The following EEFSEC variants were observed in gnomAD, a reference collection of about 807,000 sequenced individuals.
EEFSEC encodes the protein selenocysteine-specific elongation factor.
EEFSEC carries 43 observed loss-of-function variants against 42.1 expected under a neutral mutation model. The observed-to-expected ratio is 1.02, with a 90% CI of 0.80 to 1.32. The LOEUF (loss-of-function observed/expected upper bound fraction) is 1.32. Among genes scored for constraint, EEFSEC ranks in the 40% most tolerant of loss-of-function variants. The pLI is 0.00. For missense variants in EEFSEC, 745 were observed against 803.6 expected (o/e 0.93, Z 0.88); for synonymous variants, 354 against 339.1 (o/e 1.04, Z -0.48).
intron 6 of EEFSEC, among the ~76,000 whole-genome samples, chr3:128,406,534 AT>A (rs1366893593): frequency 6.6e-6 from 1 of 152,242 alleles, no homozygotes; most frequent in Non-Finnish European, 1.5e-5. Context: ...CATCACCAAA[AT>A]AAGTATGTGA....
intron 1 of EEFSEC, among the ~76,000 whole-genome samples, chr3:128,232,577 G>T (rs142598122): frequency 1.6e-4 from 24 of 152,300 alleles, no homozygotes; most frequent in African/African-American, 5.8e-4. Flanking sequence ...GGGGGGAAGG[G>T]GACTGAGGCG....
intron 1 of EEFSEC, among the ~76,000 whole-genome samples, chr3:128,230,718 G>A (rs2065951925): frequency 6.6e-6 from 1 of 152,132 alleles, no homozygotes; most frequent in South Asian, 2.1e-4. Flanking sequence ...ATAGGTAAGG[G>A]CCTTTAGACA....
intron 4 of EEFSEC, among the ~76,000 whole-genome samples, chr3:128,282,113 A>G (rs2066532635): frequency 6.6e-6 from 1 of 152,220 alleles, no homozygotes; most frequent in African/African-American, 2.4e-5. Context: ...AGGAGGGGCT[A>G]CCTGGAGCAA....
At chr3:128,400,772 C>T (rs372837876) in intron 6 of EEFSEC, among the ~76,000 whole-genome samples, 14 of 152,360 alleles carry the variant, frequency 9.2e-5, no homozygotes, top group African/African-American at 3.4e-4. Flanking sequence ...CATGTCAGGG[C>T]GGCACCATGG....
chr3:128,180,811 T>C (rs1209927646), intron 1 of EEFSEC, among the ~76,000 whole-genome samples: 2 of 152,152 alleles, frequency 1.3e-5, no homozygotes, highest in Non-Finnish European at 2.9e-5. Context: ...GGGAACCTGG[T>C]GGTACAGCAG....
In EEFSEC at chr3:128,408,160, G is replaced by A; in HGVS notation, c.1692G>A (p.Glu564=). Residue 564 remains glutamate (E), a synonymous_variant, in exon 7 of 7, where the codon GAG becomes GAA. Coordinates refer to ENST00000254730, the MANE Select transcript of EEFSEC (RefSeq NM_021937.5). The part of the protein sequence containing the change: ...AGRGEATRQE[E]SAERSEPSQH... The stretch of plus-strand genomic sequence containing the variant: ...GTGGGGAGGCCACCAGGCAGGAGGA[G>A]AGCGCCGAGCGGAGCGAGCCCTCAC... 6.2e-7 allele frequency: 1 copy of A among 1,612,854 alleles called. No individual in the cohort carries two copies. Among genetic ancestry groups the A allele is most frequent in the African/African-American group, 1.3e-5 (1 of 75,010 alleles).
At chr3:128,359,138 G>T (rs534279587) in intron 6 of EEFSEC, among the ~76,000 whole-genome samples, 4 of 152,292 alleles carry the variant, frequency 2.6e-5, no homozygotes, top group Admixed American at 1.3e-4. Context: ...TTTGGATAGG[G>T]TGATCAGGGA....
chr3:128,336,292 A>G (rs2067188602), intron 4 of EEFSEC, among the ~76,000 whole-genome samples: 1 of 152,114 alleles, frequency 6.6e-6, no homozygotes, highest in Admixed American at 6.6e-5. Flanking sequence ...TGTCACCACC[A>G]AAATATGTCT....
chr3:128,320,922 G>A (rs2067001094), intron 4 of EEFSEC, among the ~76,000 whole-genome samples: 1 of 152,222 alleles, frequency 6.6e-6, no homozygotes, highest in Non-Finnish European at 1.5e-5. Flanking sequence ...CCCCAGTTTG[G>A]TCACCTGTAC....
intron 4 of EEFSEC, among the ~76,000 whole-genome samples, chr3:128,270,916 A>G (rs1275509981): frequency 6.6e-6 from 1 of 151,848 alleles, no homozygotes; most frequent in Non-Finnish European, 1.5e-5. Context: ...TCTCCTGTGG[A>G]CCCTGGTCTC....
Position 128,153,536 on chromosome 3 carries a change from TG to T in EEFSEC, c.32del (p.Gly11AlafsTer17). 6.6e-7 allele frequency: 1 copy of T among 1,519,804 alleles called. No individual in the cohort carries two copies. 94.1% of individuals were successfully genotyped at this position (1,519,804 alleles called of 1,614,324 possible). ...GCAGGGCGGCGGGTGAACGTGAACG[TG>T]GGCGTGCTGGGCCACATCGACAGCG... is the stretch of plus-strand genomic sequence containing the variant. MAGRRVNVNVGVLGHIDSGK... is the reference protein window; with the variant it reads MAGRRVNVNXGVLGHIDSGK... On this transcript the variant is annotated frameshift_variant, in exon 1 of 7. Transcript: ENST00000254730. LOFTEE classifies it high-confidence loss of function.
intron 2 of EEFSEC, among the ~76,000 whole-genome samples, chr3:128,258,704 G>A (rs2066267106): frequency 6.6e-6 from 1 of 152,056 alleles, no homozygotes; most frequent in Non-Finnish European, 1.5e-5. Context: ...CATAGTATTG[G>A]GTACTATAAT....
intron 1 of EEFSEC, among the ~76,000 whole-genome samples, chr3:128,226,407 G>C (rs568335908): frequency 1.3e-5 from 2 of 152,176 alleles, no homozygotes; most frequent in Non-Finnish European, 2.9e-5. Flanking sequence ...AGGGGCCAGC[G>C]GTTGGTGCCT....
chr3:128,179,558 T>C (rs1159528772), intron 1 of EEFSEC, among the ~76,000 whole-genome samples: 1 of 152,184 alleles, frequency 6.6e-6, no homozygotes, highest in Non-Finnish European at 1.5e-5. Flanking sequence ...ACAGATACCA[T>C]TTAGGAGAGA....
intron 1 of EEFSEC, among the ~76,000 whole-genome samples, chr3:128,198,316 A>G (rs1031208100): frequency 9.9e-5 from 15 of 152,226 alleles, no homozygotes; most frequent in African/African-American, 3.4e-4. Flanking sequence ...CTTAGGCTTA[A>G]TAAGTTTACA....
At chr3:128,394,314 G>A (rs13092114) in intron 6 of EEFSEC, among the ~76,000 whole-genome samples, 1,868 of 152,294 alleles carry the variant, frequency 0.012, 13 homozygotes, top group Middle Eastern at 0.051. Flanking sequence ...AGCCAGCACC[G>A]CCGCCTGCCC....
chr3:128,246,924 G>T lies in EEFSEC; in HGVS notation c.405G>T (p.Gln135His). The change falls in exon 2 of 7, where the codon CAG (glutamine) becomes CAT (histidine). Residue 135 changes from glutamine (Q) to histidine (H), a missense_variant. By Grantham distance (24) the Gln-to-His change is conservative (BLOSUM62 0). Transcript: ENST00000254730. The part of the protein sequence containing the change: ...TQSAECLVIG[Q>H]IACQKLVVVL... Reference sequence around the variant, plus strand: ...CAGCGGAATGCCTTGTGATCGGCCAGATTGCCTGCCAGAAGCTGGTCGTGG... The same window carrying T: ...CAGCGGAATGCCTTGTGATCGGCCATATTGCCTGCCAGAAGCTGGTCGTGG... 6.2e-7 allele frequency: 1 copy of T among 1,614,232 alleles called. No individual in the cohort carries two copies. Among genetic ancestry groups the T allele is most frequent in the Non-Finnish European group, 8.5e-7 (1 of 1,180,044 alleles).
chr3:128,406,849 T>C (rs58233283), intron 6 of EEFSEC, among the ~76,000 whole-genome samples: 14,934 of 151,170 alleles, frequency 0.099, 1,068 homozygotes, highest in East Asian at 0.35. Flanking sequence ...TATATATATA[T>C]ACACATATAT....
At chr3:128,383,961 A>AAATGTCCT (rs2067808520) in intron 6 of EEFSEC, among the ~76,000 whole-genome samples, 2 of 152,260 alleles carry the variant, frequency 1.3e-5, no homozygotes, top group South Asian at 4.1e-4. Flanking sequence ...CTAGAAGTTC[A>AAATGTCCT]GAACTGTATG....
Sources: allele counts gnomAD v4.1 joint callset (sites outside exome capture counted in the v4.1 genomes callset), GRCh38; gene constraint gnomAD v4.1.1; transcripts MANE v1.5; gene names NCBI Gene and HGNC (gene_info 2026-07-23, HGNC 2026-07-21).